Variants in NAALADL2 observed in about 807,000 individuals in gnomAD.
The protein encoded by NAALADL2 is inactive N-acetylated-alpha-linked acidic dipeptidase-like protein 2.
Under a neutral mutation model 87.2 loss-of-function variants are expected in NAALADL2, and 76 were observed. That is an observed-to-expected ratio of 0.87 (90% CI 0.72 to 1.05). The LOEUF is 1.05. Among genes scored for constraint, NAALADL2 ranks in the 50% least tolerant of loss-of-function variants. The probability of loss-of-function intolerance (pLI) is 0.00; values close to 1 mark genes in which losing one functional copy is unlikely to be tolerated. For missense variants in NAALADL2, 1,089 were observed against 945.8 expected, an observed-to-expected ratio of 1.15 and a Z score of -1.99; for synonymous variants, 354 against 331.0, an observed-to-expected ratio of 1.07 and a Z score of -0.75.
intron 11 of NAALADL2, among the ~76,000 whole-genome samples, chr3:175,668,217 C>A (rs1053846058): frequency 6.6e-6 from 1 of 152,048 alleles, no homozygotes; most frequent in African/African-American, 2.4e-5. Context: ...TTACAATGAA[C>A]TTTTGTAGCT....
At chr3:174,633,560 T>A (rs531237031) in intron 2 of NAALADL2, among the ~76,000 whole-genome samples, 2 of 152,344 alleles carry the variant, frequency 1.3e-5, no homozygotes, top group East Asian at 3.9e-4. Context: ...AAAACAGTTT[T>A]TTAATGCCTT....
chr3:175,140,738 A>G (rs2108721739), intron 2 of NAALADL2, among the ~76,000 whole-genome samples: 1 of 152,320 alleles, frequency 6.6e-6, no homozygotes, highest in Middle Eastern at 3.4e-3. Context: ...AGGGAATGCC[A>G]GCCATGTAAA....
At chr3:174,504,423 G>A (rs1284066482) in intron 1 of NAALADL2, among the ~76,000 whole-genome samples, 1 of 152,058 alleles carries the variant, frequency 6.6e-6, no homozygotes, top group Non-Finnish European at 1.5e-5. Context: ...AACCAGACAT[G>A]GCTCTACATG....
intron 2 of NAALADL2, among the ~76,000 whole-genome samples, chr3:174,658,356 T>C (rs2108772335): frequency 6.6e-6 from 1 of 152,314 alleles, no homozygotes; most frequent in South Asian, 2.1e-4. Context: ...AATTTGCATT[T>C]CCCTGATGAC....
chr3:175,710,986 C>T (rs1740455669), intron 11 of NAALADL2, among the ~76,000 whole-genome samples: 1 of 151,786 alleles, frequency 6.6e-6, no homozygotes, highest in African/African-American at 2.4e-5. Flanking sequence ...TCATATAATT[C>T]CATCCAGATG....
chr3:175,787,250 C>A (rs560906388), intron 13 of NAALADL2, among the ~76,000 whole-genome samples: 38 of 152,280 alleles, frequency 2.5e-4, no homozygotes, highest in Non-Finnish European at 5.3e-4. Flanking sequence ...CCAGTTCGAG[C>A]TTCCCGGCTG....
chr3:175,226,266 T>C (rs1744144423), intron 2 of NAALADL2, among the ~76,000 whole-genome samples: 1 of 152,150 alleles, frequency 6.6e-6, no homozygotes, highest in Admixed American at 6.6e-5. Flanking sequence ...TTTCTTCTTC[T>C]TTGTTCAGAT....
At chr3:175,116,735 CACA>C (rs1725250642) in intron 2 of NAALADL2, among the ~76,000 whole-genome samples, 1 of 151,284 alleles carries the variant, frequency 6.6e-6, no homozygotes, top group Non-Finnish European at 1.5e-5. Flanking sequence ...AAAACAAAAC[CACA>C]ACAACAACAA....
intron 9 of NAALADL2, among the ~76,000 whole-genome samples, chr3:175,507,028 C>T (rs1582174300): frequency 6.6e-6 from 1 of 151,954 alleles, no homozygotes; most frequent in East Asian, 1.9e-4. Context: ...CCTCTTCTCC[C>T]ACATCCTCAG....
chr3:175,358,368 T>G (rs1214284905), intron 5 of NAALADL2, among the ~76,000 whole-genome samples: 1 of 152,170 alleles, frequency 6.6e-6, no homozygotes, highest in African/African-American at 2.4e-5. Context: ...CAGAAATGAT[T>G]ACTGCCTTAG....
At chr3:174,962,433 G>GACTATGACA (rs1742244873) in intron 1 of NAALADL2, among the ~76,000 whole-genome samples, 1 of 52,236 alleles carries the variant, frequency 1.9e-5, no homozygotes, top group African/African-American at 6.4e-5. Flanking sequence ...ATATATATAT[G>GACTATGACA]TATATTTTTA....
chr3:174,843,305 T>C (rs566131311), intron 3 of NAALADL2, among the ~76,000 whole-genome samples: 3 of 152,124 alleles, frequency 2.0e-5, no homozygotes, highest in African/African-American at 7.2e-5. Flanking sequence ...GCTTCCATAA[T>C]AGCAACTTTT....
chr3:174,968,591 T>C (rs1478617655), intron 1 of NAALADL2, among the ~76,000 whole-genome samples: 1 of 152,066 alleles, frequency 6.6e-6, no homozygotes, highest in African/African-American at 2.4e-5. Context: ...GCAATTCTCC[T>C]GCCTCAGCCT....
intron 3 of NAALADL2, among the ~76,000 whole-genome samples, chr3:174,849,734 C>CAAAAAAAAAAAA (rs57620256): frequency 1.6e-5 from 1 of 62,802 alleles, no homozygotes; most frequent in Non-Finnish European, 3.0e-5. Flanking sequence ...GACTCTGACT[C>CAAAAAAAAAAAA]AAAAAAAAAA....
chr3:175,210,459 T>A (rs539300428), intron 2 of NAALADL2, among the ~76,000 whole-genome samples: 25 of 151,922 alleles, frequency 1.6e-4, no homozygotes, highest in African/African-American at 5.8e-4. Context: ...TGTATGTACA[T>A]GTTTATGTGT....
chr3:175,496,817 C>G (rs2149358462), intron 9 of NAALADL2, among the ~76,000 whole-genome samples: 1 of 152,124 alleles, frequency 6.6e-6, no homozygotes, highest in Non-Finnish European at 1.5e-5. Context: ...GCCTCGGCCT[C>G]CCAAAGTTCT....
intron 5 of NAALADL2, among the ~76,000 whole-genome samples, chr3:175,384,416 G>T (rs1363524302): frequency 6.6e-6 from 1 of 151,978 alleles, no homozygotes; most frequent in East Asian, 1.9e-4. Context: ...AATTTGGAAA[G>T]ATGCTTTATC....
intron 2 of NAALADL2, among the ~76,000 whole-genome samples, chr3:175,228,379 T>C (rs567902294): frequency 2.1e-3 from 316 of 152,086 alleles, no homozygotes; most frequent in African/African-American, 7.5e-3. Context: ...TCTAAGGTGT[T>C]ATAGTGCATT....
At chr3:174,938,592 A>AATC (rs1189522933) in intron 1 of NAALADL2, among the ~76,000 whole-genome samples, 2 of 152,148 alleles carry the variant, frequency 1.3e-5, no homozygotes, top group African/African-American at 4.8e-5. Context: ...CTCTTTGAGG[A>AATC]ATCACCATAC....
Sources: gnomAD v4.1 joint callset for allele counts (sites outside exome capture counted in the v4.1 genomes callset) on GRCh38, gnomAD v4.1.1 for gene constraint, MANE v1.5 for transcripts, NCBI Gene and HGNC (gene_info 2026-07-23, HGNC 2026-07-21) for gene names.